Variants in TBC1D22A observed in about 807,000 individuals in gnomAD.
TBC1D22A encodes the protein putative GTPase activator.
TBC1D22A carries 38 observed loss-of-function variants against 60.2 expected under a neutral mutation model. The observed-to-expected ratio is 0.63, with a 90% CI of 0.49 to 0.83. TBC1D22A has a LOEUF of 0.83. Among genes scored for constraint, TBC1D22A ranks in the 40% least tolerant of loss-of-function variants. The pLI is 0.00. For synonymous variants in TBC1D22A, 302 were observed against 281.7 expected, an observed-to-expected ratio of 1.07 and a Z score of -0.72; for missense variants, 628 against 701.0, an observed-to-expected ratio of 0.90 and a Z score of 1.18.
At chr22:46,818,523 T>C (rs1472653403) in intron 4 of TBC1D22A, among the ~76,000 whole-genome samples, 1 of 152,212 alleles carries the variant, frequency 6.6e-6, no homozygotes, top group Non-Finnish European at 1.5e-5. Context: ...CCTCATTGCT[T>C]GTTTTTGTCA....
chr22:46,996,083 C>T (rs1295921256), intron 9 of TBC1D22A, among the ~76,000 whole-genome samples: 1 of 152,246 alleles, frequency 6.6e-6, no homozygotes, highest in Admixed American at 6.5e-5. Flanking sequence ...CCTGCCCCCT[C>T]AGGCGCACAG....
intron 7 of TBC1D22A, among the ~76,000 whole-genome samples, chr22:46,901,698 A>G (rs1024115481): frequency 1.4e-4 from 13 of 95,702 alleles, no homozygotes; most frequent in Admixed American, 2.1e-4. Context: ...ATCAAGTGTT[A>G]TAACTCACAT....
intron 4 of TBC1D22A, among the ~76,000 whole-genome samples, chr22:46,865,841 A>G (rs1314038726): frequency 2.6e-5 from 4 of 152,230 alleles, no homozygotes; most frequent in South Asian, 2.1e-4. Context: ...AGACCTGTAG[A>G]TACCCCTCTG....
At chr22:46,849,051 A>T (rs2087151305) in intron 4 of TBC1D22A, among the ~76,000 whole-genome samples, 2 of 152,166 alleles carry the variant, frequency 1.3e-5, no homozygotes, top group Admixed American at 6.5e-5. Context: ...ACCACTTAGT[A>T]GCTAGTTACA....
At position 46,823,059 on chromosome 22, in the gene TBC1D22A, A is replaced by G. The variant is rs574177562; in HGVS notation, c.637+25439A>G. Among the ~76,000 whole-genome samples the G allele has an allele frequency of 6.6e-5, 10 of 152,322 alleles. No homozygotes were observed. In the East Asian group the frequency reaches 1.7e-3, roughly 26 times the overall value. On this transcript the variant is annotated intron_variant, in intron 4 of 12. Transcript: ENST00000337137. ...TGGGTAACCTCTGCTGTCAGGAACC[A>G]CAAGTATCCGGCTGCATCAGGCTTC...
chr22:47,174,341 A>AC lies in TBC1D22A; in HGVS notation c.*720dup, dbSNP rs1222242973. 1 of 149,908 alleles carries AC rather than the reference A, an allele frequency of 6.7e-6. No homozygotes were observed. The highest frequency in any genetic ancestry group is 1.5e-5 in the Non-Finnish European group (1 of 67,638). 9.3% of individuals were successfully genotyped at this position (149,908 alleles called of 1,614,324 possible). A position where few individuals can be genotyped will look rare whatever the true frequency, so the allele number is the denominator to read the frequency against. ...CTTGAACCTCTTTTACAAGAGAGAA[A>AC]CCCCCACCTCCCTGAGGTCCAGGGC... On this transcript the variant is annotated 3_prime_UTR_variant, in exon 13 of 13. Transcript: ENST00000337137.
At chr22:47,165,927 C>T (rs114201111) in intron 12 of TBC1D22A, among the ~76,000 whole-genome samples, 350 of 152,354 alleles carry the variant, frequency 2.3e-3, no homozygotes, top group African/African-American at 8.1e-3. Context: ...ATTAACCCTG[C>T]TCCCCGCGTC....
At chr22:47,051,505 G>A (rs538408939) in intron 11 of TBC1D22A, among the ~76,000 whole-genome samples, 18 of 152,166 alleles carry the variant, frequency 1.2e-4, no homozygotes, top group Admixed American at 6.5e-4. Flanking sequence ...GGGTGGCTTC[G>A]GGAGCCGGGA....
At chr22:47,135,552 G>A (rs1372916666) in intron 12 of TBC1D22A, among the ~76,000 whole-genome samples, 1 of 152,098 alleles carries the variant, frequency 6.6e-6, no homozygotes, top group Non-Finnish European at 1.5e-5. Context: ...AGGTGCCAGA[G>A]CCAGGCCCTG....
Position 46,972,740 on chromosome 22 carries a change from T to C in TBC1D22A, c.1016-1550T>C, listed in dbSNP as rs5769282. On this transcript the variant is annotated intron_variant, in intron 8 of 12. Coordinates refer to ENST00000337137, the MANE Select transcript of TBC1D22A (RefSeq NM_014346.5). ...CTTGTGACCCTACTCAAGACCACTC[T>C]GTCGCACACGCTAAAGAGTGGATTT... Among the ~76,000 whole-genome samples the C allele has an allele frequency of 2.0e-4, 31 of 152,338 alleles. No individual in the cohort carries two copies. The East Asian group carries it at 5.8e-3, about 28-fold the overall frequency.
At chr22:46,864,430 C>T (rs2066955503) in intron 4 of TBC1D22A, among the ~76,000 whole-genome samples, 1 of 152,196 alleles carries the variant, frequency 6.6e-6, no homozygotes, top group African/African-American at 2.4e-5. Flanking sequence ...AACCAGTTTC[C>T]CTCCTGGCTG....
chr22:46,895,619 G>A (rs138680946), intron 7 of TBC1D22A, among the ~76,000 whole-genome samples: 2 of 152,150 alleles, frequency 1.3e-5, no homozygotes, highest in Admixed American at 6.5e-5. Context: ...TGATCTGCCC[G>A]CCTTGGCCTC....
chr22:46,911,288 CG>C (rs1569210562), intron 7 of TBC1D22A, among the ~76,000 whole-genome samples: 1 of 152,122 alleles, frequency 6.6e-6, no homozygotes, highest in African/African-American at 2.4e-5. Flanking sequence ...GCTGAGATTT[CG>C]TAAGTGATGG....
intron 10 of TBC1D22A, among the ~76,000 whole-genome samples, chr22:47,005,656 A>C (rs147498193): frequency 2.0e-5 from 3 of 149,356 alleles, no homozygotes; most frequent in African/African-American, 4.9e-5. Context: ...ACACACACCC[A>C]CACACACACC....
chr22:46,899,406 C>CA (rs990879007), intron 7 of TBC1D22A, among the ~76,000 whole-genome samples: 3 of 151,248 alleles, frequency 2.0e-5, no homozygotes, highest in Non-Finnish European at 2.9e-5. Flanking sequence ...GAGGTGGCGC[C>CA]ACTGCACTCC....
At chr22:47,090,288 G>C (rs931575474) in intron 11 of TBC1D22A, among the ~76,000 whole-genome samples, 1 of 152,172 alleles carries the variant, frequency 6.6e-6, no homozygotes, top group African/African-American at 2.4e-5. Flanking sequence ...GGGCAGGAAT[G>C]ACAAGGATAT....
chr22:46,876,509 G>C (rs1208687478), intron 4 of TBC1D22A, among the ~76,000 whole-genome samples: 1 of 152,212 alleles, frequency 6.6e-6, no homozygotes, highest in Non-Finnish European at 1.5e-5. Context: ...TCTCGGGTCT[G>C]CCTCTGTCTC....
At chr22:46,822,655 C>G (rs2085881324) in intron 4 of TBC1D22A, among the ~76,000 whole-genome samples, 2 of 152,202 alleles carry the variant, frequency 1.3e-5, no homozygotes, top group Non-Finnish European at 1.5e-5. Context: ...GTGCACCAAC[C>G]TGATGCCAGC....
At chr22:47,049,030 T>C (rs531868299) in intron 11 of TBC1D22A, among the ~76,000 whole-genome samples, 1 of 152,368 alleles carries the variant, frequency 6.6e-6, no homozygotes, top group Non-Finnish European at 1.5e-5. Context: ...GTCCCCAGCA[T>C]GGAGAGTATT....
Sources: gnomAD v4.1 joint callset for allele counts (sites outside exome capture counted in the v4.1 genomes callset) on GRCh38, gnomAD v4.1.1 for gene constraint, MANE v1.5 for transcripts, NCBI Gene and HGNC (gene_info 2026-07-23, HGNC 2026-07-21) for gene names.